The following KLHL1 variants were observed in gnomAD, a reference collection of about 807,000 sequenced individuals.
KLHL1 encodes kelch like family member 1.
KLHL1 carries 47 observed loss-of-function variants against 77.7 expected under a neutral mutation model. The ratio of observed to expected loss-of-function variants is 0.60; its 90% confidence interval spans 0.48 to 0.77. KLHL1 has a LOEUF of 0.77. Ranked by LOEUF, KLHL1 falls within the 30% of genes least tolerant of loss-of-function variation. KLHL1 has a pLI of 0.00. For synonymous variants in KLHL1, 360 were observed against 325.2 expected (o/e 1.11, Z -1.15); for missense variants, 925 against 910.8 (o/e 1.02, Z -0.20).
chr13:69,997,789 T>G (rs1885195048), intron 1 of KLHL1, among the ~76,000 whole-genome samples: 1 of 148,292 alleles, frequency 6.7e-6, no homozygotes, highest in Admixed American at 6.8e-5. Context: ...ATATATAATA[T>G]GTATTTTATA....
intron 10 of KLHL1, among the ~76,000 whole-genome samples, chr13:69,705,447 T>A (rs1875580892): frequency 6.6e-6 from 1 of 151,720 alleles, no homozygotes; most frequent in Non-Finnish European, 1.5e-5. Context: ...TATAGTTTGC[T>A]TATTTAATAA....
At chr13:69,740,921 CAG>C (rs1369781845) in intron 7 of KLHL1, among the ~76,000 whole-genome samples, 1 of 151,978 alleles carries the variant, frequency 6.6e-6, no homozygotes. Flanking sequence ...TATGAAGAAA[CAG>C]ATACTAAGAA....
chr13:70,019,737 T>C (rs900430674), intron 1 of KLHL1, among the ~76,000 whole-genome samples: 40 of 152,168 alleles, frequency 2.6e-4, no homozygotes, highest in African/African-American at 8.4e-4. Context: ...TTTATCCATA[T>C]ATTATACTGT....
chr13:69,998,132 T>C (rs1216005873), intron 1 of KLHL1, among the ~76,000 whole-genome samples: 1 of 152,112 alleles, frequency 6.6e-6, no homozygotes, highest in Non-Finnish European at 1.5e-5. Context: ...GTGTTCTCCA[T>C]CCACCAATTT....
intron 5 of KLHL1, among the ~76,000 whole-genome samples, chr13:69,860,419 A>T (rs1475298219): frequency 6.6e-6 from 1 of 151,990 alleles, no homozygotes; most frequent in African/African-American, 2.4e-5. Context: ...CCTCTTTTTT[A>T]AAAAACGAGC....
At chr13:69,785,984 AT>A (rs1283707066) in intron 7 of KLHL1, among the ~76,000 whole-genome samples, 2 of 152,162 alleles carry the variant, frequency 1.3e-5, no homozygotes, top group Non-Finnish European at 2.9e-5. Context: ...GAATAGACCA[AT>A]AACAGGCTCT....
intron 1 of KLHL1, among the ~76,000 whole-genome samples, chr13:70,074,012 G>A (rs761791365): frequency 6.6e-6 from 1 of 151,880 alleles, no homozygotes; most frequent in Admixed American, 6.6e-5. Flanking sequence ...TTTTACTAGA[G>A]ATGGGGTTTC....
At chr13:69,750,947 G>A (rs1354774231) in intron 7 of KLHL1, among the ~76,000 whole-genome samples, 1 of 152,034 alleles carries the variant, frequency 6.6e-6, no homozygotes, top group Non-Finnish European at 1.5e-5. Flanking sequence ...TCCAGACACA[G>A]AGATGTTTAA....
At position 69,723,475 on chromosome 13, in the gene KLHL1, AAAGT is replaced by A. The variant is rs200228855; in HGVS notation, c.1803-3898_1803-3895del. ...TATTATGTGTCAATAACAAAAAAAG[AAAGT>A]AAGCCCAGGACCAGATGACTTCACT... On this transcript the variant is annotated intron_variant, in intron 8 of 10. Coordinates refer to ENST00000377844, the MANE Select transcript of KLHL1 (RefSeq NM_020866.3). Among the ~76,000 whole-genome samples the A allele has an allele frequency of 8.4e-3, 1,278 of 152,244 alleles. 27 individuals are homozygous for A. Among genetic ancestry groups the A allele is most frequent in the African/African-American group, 0.029 (1,211 of 41,562 alleles).
In KLHL1 at chr13:69,851,947, A is replaced by T. The variant is rs981622464; in HGVS notation, c.1228-12785T>A. 3.3e-5 allele frequency among the ~76,000 whole-genome samples: 5 copies of T among 152,016 alleles called. No individual in the cohort carries two copies. The South Asian group carries it at 1.0e-3, about 31-fold the overall frequency. On this transcript the variant is annotated intron_variant, in intron 5 of 10. Transcript: ENST00000377844. ...TTCAATACTTGAAATTATTACTTGAAATTGATGAACTGTATTAGCTAAATG... is the reference window on the plus strand; with the variant it reads ...TTCAATACTTGAAATTATTACTTGATATTGATGAACTGTATTAGCTAAATG...
intron 5 of KLHL1, among the ~76,000 whole-genome samples, chr13:69,846,826 T>C (rs1879481307): frequency 6.8e-6 from 1 of 147,240 alleles, no homozygotes; most frequent in East Asian, 2.1e-4. Context: ...TCCAAGAGTA[T>C]TATATGATTT....
At chr13:69,770,402 C>G (rs1300999766) in intron 7 of KLHL1, among the ~76,000 whole-genome samples, 1 of 152,240 alleles carries the variant, frequency 6.6e-6, no homozygotes, top group African/African-American at 2.4e-5. Flanking sequence ...GGAACCAAAA[C>G]TATCCTACGT....
At chr13:69,798,066 G>A (rs1379477692) in intron 6 of KLHL1, among the ~76,000 whole-genome samples, 1 of 150,054 alleles carries the variant, frequency 6.7e-6, no homozygotes, top group African/African-American at 2.5e-5. Context: ...CATTAAAAAT[G>A]CCTGTGTAGA....
chr13:69,829,566 C>T (rs1182695998), intron 6 of KLHL1, among the ~76,000 whole-genome samples: 1 of 149,726 alleles, frequency 6.7e-6, no homozygotes, highest in African/African-American at 2.5e-5. Flanking sequence ...ACTAGCTCAC[C>T]AACAATGGAT....
At chr13:69,858,953 T>C (rs922259135) in intron 5 of KLHL1, among the ~76,000 whole-genome samples, 2 of 152,126 alleles carry the variant, frequency 1.3e-5, no homozygotes, top group African/African-American at 2.4e-5. Context: ...GTTCTTTCTC[T>C]GTCTATATCT....
chr13:69,768,098 ATCT>A (rs1346912479), intron 7 of KLHL1, among the ~76,000 whole-genome samples: 1 of 152,178 alleles, frequency 6.6e-6, no homozygotes, highest in Non-Finnish European at 1.5e-5. Context: ...GCTGAGAAAG[ATCT>A]TCTCCTGTGG....
intron 7 of KLHL1, among the ~76,000 whole-genome samples, chr13:69,764,198 T>C (rs1259072578): frequency 6.6e-6 from 1 of 152,190 alleles, no homozygotes; most frequent in Non-Finnish European, 1.5e-5. Context: ...AATCACAGAA[T>C]TTCAGCCAAT....
rs998578634 is a variant in KLHL1, at chr13:70,073,732, G to A, written c.497+33471C>T. ...CTAGAGGCTGCGGTGAGCCATGATCGTGCCACTGCACTTTAGCTTGGGTGA... is the reference window on the plus strand; with the variant it reads ...CTAGAGGCTGCGGTGAGCCATGATCATGCCACTGCACTTTAGCTTGGGTGA... On this transcript the variant is annotated intron_variant, in intron 1 of 10. Coordinates refer to ENST00000377844, the MANE Select transcript of KLHL1 (RefSeq NM_020866.3). Among the ~76,000 whole-genome samples the A allele has an allele frequency of 4.6e-5, 7 of 151,996 alleles. No homozygotes were observed. The South Asian group carries it at 6.2e-4, about 13-fold the overall frequency.
chr13:70,007,423 C>A (rs1437203330), intron 1 of KLHL1, among the ~76,000 whole-genome samples: 2 of 149,534 alleles, frequency 1.3e-5, no homozygotes, highest in African/African-American at 4.9e-5. Flanking sequence ...CCATCCTGGG[C>A]AACACAGCAA....
Sources: allele counts gnomAD v4.1 joint callset (sites outside exome capture counted in the v4.1 genomes callset), GRCh38; gene constraint gnomAD v4.1.1; transcripts MANE v1.5; gene names NCBI Gene and HGNC (gene_info 2026-07-23, HGNC 2026-07-21).